The following PECAM1 variants were observed in gnomAD, a reference collection of about 807,000 sequenced individuals.
The protein encoded by PECAM1 is platelet endothelial cell adhesion molecule.
PECAM1 carries 8 observed loss-of-function variants against 13.8 expected under a neutral mutation model. That is an observed-to-expected ratio of 0.58 (90% CI 0.34 to 1.05). PECAM1 has a LOEUF of 1.05. PECAM1 is among the 50% of genes least tolerant of loss of function. The pLI is 0.03. For missense variants in PECAM1, 304 were observed against 141.2 expected (o/e 2.15, Z -5.84); for synonymous variants, 136 against 52.6 (o/e 2.58, Z -6.86).
intron 14 of PECAM1, 86 bp downstream of exon 14, chr17:64,341,548 T>G (rs1228180103): frequency 7.3e-6 from 3 of 413,064 alleles, no homozygotes; most frequent in Admixed American, 4.4e-5. Flanking sequence ...CTTCTTTGCT[T>G]CTTCTTTTCT....
At chr17:64,369,165 C>A (rs1383478941) in intron 5 of PECAM1, among the ~76,000 whole-genome samples, 2 of 151,956 alleles carry the variant, frequency 1.3e-5, no homozygotes, top group East Asian at 3.9e-4. Context: ...GAACTCCCGG[C>A]CTCAAGTGAT....
At chr17:64,378,158 C>G (rs2036403672) in intron 2 of PECAM1, 41 bp from the exon 3 acceptor site, 2 of 459,226 alleles carry the variant, frequency 4.4e-6, no homozygotes. Flanking sequence ...CCTGTTATCT[C>G]AGAAACAACA....
intron 9 of PECAM1, 120 bp downstream of exon 9, chr17:64,354,813 G>A: frequency 4.8e-6 from 2 of 420,760 alleles, no homozygotes; most frequent in South Asian, 1.2e-4. Flanking sequence ...GCCCAATGAG[G>A]AAAATAATAG....
intron 13 of PECAM1, among the ~76,000 whole-genome samples, chr17:64,345,573 G>T (rs1197503739): frequency 6.6e-6 from 1 of 151,774 alleles, no homozygotes; most frequent in South Asian, 2.1e-4. Flanking sequence ...ATTAGCCGGG[G>T]ATGGTGGTGG....
intron 4 of PECAM1, among the ~76,000 whole-genome samples, chr17:64,374,371 C>A (rs924095483): frequency 6.6e-6 from 1 of 151,872 alleles, no homozygotes; most frequent in Non-Finnish European, 1.5e-5. Flanking sequence ...CCCCTGTAAT[C>A]CCAGCTACCC....
At chr17:64,386,543 CTT>C (rs1342553949) in intron 2 of PECAM1, among the ~76,000 whole-genome samples, 54 of 151,892 alleles carry the variant, frequency 3.6e-4, no homozygotes, top group Non-Finnish European at 5.1e-4. Context: ...TAAAAAAAGA[CTT>C]TGTTTGATTG....
At position 64,322,600 on chromosome 17, in the gene PECAM1, G is replaced by A. The variant is rs1598265756; in HGVS notation, c.*1216C>T. Reference sequence around the variant, plus strand: ...ACAGGAAAAGTGATTTTGGCTAGGCGTGGTTCTCATCTGTGAAATTCCACA... The same window carrying A: ...ACAGGAAAAGTGATTTTGGCTAGGCATGGTTCTCATCTGTGAAATTCCACA... On this transcript the variant is annotated 3_prime_UTR_variant, in exon 16 of 16. Transcript: ENST00000563924. 1.0e-6 allele frequency: 1 copy of A among 985,434 alleles called. No individual in the cohort carries two copies. The highest frequency in any genetic ancestry group is 1.2e-6 in the Non-Finnish European group (1 of 829,944). The allele number at this position is 985,434 out of a possible 1,614,324, so 61.0% of individuals were successfully genotyped here. A position where few individuals can be genotyped will look rare whatever the true frequency, so the allele number is the denominator to read the frequency against.
chr17:64,357,684 G>A (rs2035876575), intron 7 of PECAM1, among the ~76,000 whole-genome samples: 2 of 152,164 alleles, frequency 1.3e-5, no homozygotes, highest in South Asian at 4.1e-4. Flanking sequence ...GTTACGTCAT[G>A]ATAAAATAAC....
chr17:64,360,582 C>CTGTGTGTGTGTGTGTGTG (rs10589772), intron 6 of PECAM1, among the ~76,000 whole-genome samples, 167 bp from the exon 7 acceptor site: 40 of 139,478 alleles, frequency 2.9e-4, no homozygotes, highest in Non-Finnish European at 4.5e-4. Context: ...GACTGACAGG[C>CTGTGTGTGTGTGTGTGTG]TGTGTGTGTG....
At chr17:64,323,943 A>G (rs1213962035) in intron 15 of PECAM1, 98 bp from the exon 16 acceptor site, 1 of 790,520 alleles carries the variant, frequency 1.3e-6, no homozygotes, top group Non-Finnish European at 2.3e-6. Flanking sequence ...CTTCTCAAAG[A>G]AAATGCAAAG....
chr17:64,362,194 A>T (rs1350530203), intron 6 of PECAM1, among the ~76,000 whole-genome samples: 1 of 152,242 alleles, frequency 6.6e-6, no homozygotes, highest in Non-Finnish European at 1.5e-5. Context: ...ACCTGGCCCC[A>T]TCTGGGCCTA....
chr17:64,355,177 C>CAG (rs2035818976), intron 8 of PECAM1, 137 bp from the exon 9 acceptor site: 34 of 401,256 alleles, frequency 8.5e-5, no homozygotes, highest in African/African-American at 6.0e-4. Flanking sequence ...CCTTAGCATC[C>CAG]ATCTACCTCT....
intron 5 of PECAM1, among the ~76,000 whole-genome samples, chr17:64,368,927 A>ATT (rs2036173492): frequency 1.2e-5 from 1 of 85,876 alleles, no homozygotes; most frequent in Non-Finnish European, 2.3e-5. Flanking sequence ...GGTAATTGTC[A>ATT]TTTCTTTTTT....
chr17:64,339,945 T>C (rs2035382542), intron 14 of PECAM1, among the ~76,000 whole-genome samples: 1 of 152,140 alleles, frequency 6.6e-6, no homozygotes, highest in African/African-American at 2.4e-5. Context: ...AGCTCAGGAA[T>C]TCAAGACCAG....
At chr17:64,367,324 G>T (rs1365510149) in intron 5 of PECAM1, among the ~76,000 whole-genome samples, 1 of 152,040 alleles carries the variant, frequency 6.6e-6, no homozygotes, top group Non-Finnish European at 1.5e-5. Context: ...GGCCGAGGTG[G>T]ACGGATCACA....
rs1303396840 is a variant in PECAM1, at chr17:64,341,700, G to C, written c.2108-10C>G. The C allele has an allele frequency of 4.6e-6, 2 of 435,442 alleles. No homozygotes were observed. Among genetic ancestry groups the C allele is most frequent in the African/African-American group, 4.0e-5 (2 of 49,564 alleles). The allele number at this position is 435,442 out of a possible 1,614,324, so 27.0% of individuals were successfully genotyped here. A position where few individuals can be genotyped will look rare whatever the true frequency, so the allele number is the denominator to read the frequency against. ...TCCTTCTTTCCTAGATCTGGAAAAA[G>C]GACCAGGCATAAGTTAGTAGCTGCC... On this transcript the variant is annotated splice_polypyrimidine_tract_variant and intron_variant, in intron 13 of 15. Transcript: ENST00000563924.
At chr17:64,370,269 C>T (rs887990579) in intron 4 of PECAM1, 2 of 334,732 alleles carry the variant, frequency 6.0e-6, no homozygotes, top group African/African-American at 2.1e-5. Context: ...TTCCCAAAGG[C>T]CAAACACCTT....
At chr17:64,380,024 CAA>C (rs1225502082) in intron 2 of PECAM1, among the ~76,000 whole-genome samples, 29 of 113,686 alleles carry the variant, frequency 2.6e-4, no homozygotes, top group Admixed American at 5.6e-4. Flanking sequence ...GATCCTGTCT[CAA>C]AAAAAAAAAA....
At chr17:64,360,814 ATGTGTGTGTGTG>A (rs144008571) in intron 6 of PECAM1, among the ~76,000 whole-genome samples, 1 of 141,330 alleles carries the variant, frequency 7.1e-6, no homozygotes, top group Admixed American at 7.1e-5. Flanking sequence ...AGCCAACAAA[ATGTGTGTGTGTG>A]TGTGTGTGTG....
Sources: allele counts gnomAD v4.1 joint callset (sites outside exome capture counted in the v4.1 genomes callset), GRCh38; gene constraint gnomAD v4.1.1; transcripts MANE v1.5; gene names NCBI Gene and HGNC (gene_info 2026-07-23, HGNC 2026-07-21).